Variants in PAX2 observed in about 807,000 individuals in gnomAD.
PAX2 encodes the protein paired box 2.
Under a neutral mutation model 41.7 loss-of-function variants are expected in PAX2, and 9 were observed. The observed-to-expected ratio is 0.22, with a 90% confidence interval of 0.13 to 0.38. The LOEUF (loss-of-function observed/expected upper bound fraction) is 0.38, where lower values mean the gene tolerates loss of function less well. Among genes scored for constraint, PAX2 ranks in the 10% least tolerant of loss-of-function variants. The pLI, the probability that PAX2 is intolerant of heterozygous loss-of-function variation, is 1.00. For missense variants in PAX2, 418 were observed against 531.6 expected (o/e 0.79, Z 2.10); for synonymous variants, 221 against 212.7 (o/e 1.04, Z -0.34).
chr10:100,766,483 G>A (rs1281000306), intron 3 of PAX2, among the ~76,000 whole-genome samples: 1 of 152,200 alleles, frequency 6.6e-6, no homozygotes, highest in African/African-American at 2.4e-5. Context: ...GGATTGGCAA[G>A]TTTACTCCCG....
intron 7 of PAX2, among the ~76,000 whole-genome samples, chr10:100,817,758 T>A (rs1221143816): frequency 6.6e-6 from 1 of 152,182 alleles, no homozygotes; most frequent in African/African-American, 2.4e-5. Flanking sequence ...TGTCCCATAG[T>A]CCCTTCTGCC....
intron 3 of PAX2, among the ~76,000 whole-genome samples, chr10:100,757,333 A>T (rs933305120): frequency 4.6e-5 from 7 of 152,242 alleles, no homozygotes; most frequent in African/African-American, 1.7e-4. Flanking sequence ...CACTGGGCGA[A>T]GTGGCAGCAG....
chr10:100,736,916 G>T (rs767401577), intron 1 of PAX2, among the ~76,000 whole-genome samples: 1 of 152,178 alleles, frequency 6.6e-6, no homozygotes, highest in Non-Finnish European at 1.5e-5. Context: ...GAATTCAATT[G>T]AGAGCCCATC....
At chr10:100,793,838 G>A (rs1250921181) in intron 5 of PAX2, among the ~76,000 whole-genome samples, 1 of 152,170 alleles carries the variant, frequency 6.6e-6, no homozygotes, top group African/African-American at 2.4e-5. Flanking sequence ...TGCCCAGTGT[G>A]TTGGGAGGTA....
At chr10:100,759,292 A>G (rs1208610106) in intron 3 of PAX2, among the ~76,000 whole-genome samples, 1 of 152,198 alleles carries the variant, frequency 6.6e-6, no homozygotes, top group Admixed American at 6.5e-5. Flanking sequence ...TGAGAAGAGT[A>G]TGGAGCGAAG....
At chr10:100,803,430 T>C (rs2133943514) in intron 5 of PAX2, among the ~76,000 whole-genome samples, 1 of 151,964 alleles carries the variant, frequency 6.6e-6, no homozygotes, top group Middle Eastern at 3.4e-3. Context: ...CTTCCTTCCC[T>C]AGCTGATGGA....
Position 100,798,652 on chromosome 10 carries a change from C to T in PAX2, c.617-7778C>T, listed in dbSNP as rs542801228. ...CACTTTCCCCTCATCCTCTCTTCTT[C>T]CCTCCCTTCTCCTATCTCCCTTACC... is the stretch of plus-strand genomic sequence containing the variant. On this transcript the variant is annotated intron_variant, in intron 5 of 9. Transcript: ENST00000355243. Among the ~76,000 whole-genome samples the T allele has an allele frequency of 1.6e-4, 24 of 152,198 alleles. No homozygotes were observed. In the South Asian group the frequency reaches 4.8e-3, roughly 30 times the overall value.
At chr10:100,765,618 C>T (rs1256293793) in intron 3 of PAX2, among the ~76,000 whole-genome samples, 2 of 152,154 alleles carry the variant, frequency 1.3e-5, no homozygotes, top group Admixed American at 1.3e-4. Flanking sequence ...AAGTCAAGGG[C>T]TGCCTATTCA....
At position 100,826,157 on chromosome 10, in the gene PAX2, G is replaced by A. The variant is rs80158280; in HGVS notation, c.1022-852G>A. On this transcript the variant is annotated intron_variant, in intron 8 of 9. Coordinates refer to ENST00000355243, the MANE Select transcript of PAX2 (RefSeq NM_000278.5). The surrounding 1 kb of genome is among the most constrained non-coding windows in gnomAD (Gnocchi z 5.5). ...TCAGAAGCTCATTATCCTGCTGCAC[G>A]CATGCTTTCCCTCCTCGTCAATAAA... is the stretch of plus-strand genomic sequence containing the variant. Among the ~76,000 whole-genome samples, 5 of 152,180 alleles carry A rather than the reference G, an allele frequency of 3.3e-5. No individual in the cohort carries two copies. The South Asian group carries it at 1.0e-3, about 32-fold the overall frequency.
exon 1 of PAX2, chr10:100,735,695 G>A: frequency 9.5e-7 from 1 of 1,055,884 alleles, no homozygotes; most frequent in Non-Finnish European, 1.1e-6. Context: ...CGCGGCGGCC[G>A]CGGGGAGCCT....
chr10:100,752,694 AT>A, intron 3 of PAX2, among the ~76,000 whole-genome samples: 1 of 152,262 alleles, frequency 6.6e-6, no homozygotes, highest in East Asian at 1.9e-4. Flanking sequence ...GATTTAGGTA[AT>A]TTGTTTCTCT....
At position 100,749,610 on chromosome 10, in the gene PAX2, C is replaced by G. The variant is rs1006562315; in HGVS notation, c.44-136C>G. On this transcript the variant is annotated intron_variant, in intron 1 of 9. Coordinates refer to ENST00000355243, the MANE Select transcript of PAX2 (RefSeq NM_000278.5). ...CCTCCGCGTGGTCGTGGAGGTCCAC[C>G]ACCTTTCTTCTCAAGCTCGGGAACA... The G allele has an allele frequency of 3.4e-6, 5 of 1,454,676 alleles. No individual in the cohort carries two copies. The Admixed American group carries it at 1.3e-4, about 38-fold the overall frequency. 90.1% of individuals were successfully genotyped at this position (1,454,676 alleles called of 1,614,324 possible). A position where few individuals can be genotyped will look rare whatever the true frequency, so the allele number is the denominator to read the frequency against.
chr10:100,783,305 G>C (rs185737565), intron 5 of PAX2, among the ~76,000 whole-genome samples: 1 of 152,326 alleles, frequency 6.6e-6, no homozygotes, highest in African/African-American at 2.4e-5. Flanking sequence ...ATTCTAGTGG[G>C]GCATGTTAAA....
chr10:100,775,210 T>C (rs1846343962), intron 3 of PAX2, among the ~76,000 whole-genome samples: 2 of 152,070 alleles, frequency 1.3e-5, no homozygotes, highest in Non-Finnish European at 2.9e-5. Flanking sequence ...GGCTGTCTTG[T>C]GAGGCCAAGT....
At chr10:100,821,322 C>T (rs956442357) in intron 7 of PAX2, among the ~76,000 whole-genome samples, 4 of 152,232 alleles carry the variant, frequency 2.6e-5, no homozygotes, top group Non-Finnish European at 4.4e-5. Context: ...CCTTTGCTGG[C>T]TCAGGGGTCC....
intron 7 of PAX2, among the ~76,000 whole-genome samples, chr10:100,812,149 C>A (rs971928905): frequency 3.3e-5 from 5 of 152,204 alleles, no homozygotes; most frequent in Admixed American, 6.5e-5. Context: ...CCATAGCCTC[C>A]CCTCCCCACC....
intron 7 of PAX2, among the ~76,000 whole-genome samples, chr10:100,816,366 A>G (rs1848184542): frequency 6.6e-6 from 1 of 152,230 alleles, no homozygotes; most frequent in Non-Finnish European, 1.5e-5. Context: ...GGAATTCTCC[A>G]AAAAAGAGAT....
chr10:100,775,474 G>A (rs1731489567), intron 3 of PAX2, among the ~76,000 whole-genome samples: 1 of 152,146 alleles, frequency 6.6e-6, no homozygotes, highest in Admixed American at 6.5e-5. Flanking sequence ...GACACCAAGA[G>A]CATTAGTAAC....
At chr10:100,788,422 AC>A (rs1225810228) in intron 5 of PAX2, among the ~76,000 whole-genome samples, 1 of 152,184 alleles carries the variant, frequency 6.6e-6, no homozygotes, top group African/African-American at 2.4e-5. Context: ...GGCAAGGAGG[AC>A]CCCGAGGAAG....
Sources: gnomAD v4.1 joint callset for allele counts (sites outside exome capture counted in the v4.1 genomes callset) on GRCh38, gnomAD v4.1.1 for gene constraint, Gnocchi (gnomAD v3.1) non-coding constraint, MANE v1.5 for transcripts, NCBI Gene and HGNC (gene_info 2026-07-23, HGNC 2026-07-21) for gene names.